The following NELL1 variants were observed in gnomAD, a reference collection of about 807,000 sequenced individuals.
NELL1 encodes neural EGFL like 1, also known as protein kinase C-binding protein NELL1.
Under a neutral mutation model 107.4 loss-of-function variants are expected in NELL1, and 76 were observed. The observed-to-expected ratio is 0.71, with a 90% CI of 0.59 to 0.86. NELL1 has a LOEUF of 0.86. Among genes scored for constraint, NELL1 ranks in the 40% least tolerant of loss-of-function variants. NELL1 has a pLI of 0.00. For synonymous variants in NELL1, 353 were observed against 341.2 expected (o/e 1.03, Z -0.38); for missense variants, 1,024 against 1,005.5 (o/e 1.02, Z -0.25).
intron 13 of NELL1, among the ~76,000 whole-genome samples, chr11:21,191,680 C>A (rs1195997179): frequency 6.6e-6 from 1 of 151,874 alleles, no homozygotes; most frequent in African/African-American, 2.4e-5. Flanking sequence ...TTTAAGATAT[C>A]CATTTTTGTG....
intron 10 of NELL1, among the ~76,000 whole-genome samples, chr11:20,938,682 C>A (rs115620033): frequency 6.6e-6 from 1 of 151,894 alleles, no homozygotes; most frequent in Non-Finnish European, 1.5e-5. Flanking sequence ...GGAGAAGGCA[C>A]GTTCCAAACA....
chr11:20,775,422 A>T (rs1292665450), intron 2 of NELL1, among the ~76,000 whole-genome samples: 1 of 152,306 alleles, frequency 6.6e-6, no homozygotes, highest in South Asian at 2.1e-4. Flanking sequence ...ATTCTCTACC[A>T]TTGGATAGCT....
chr11:21,022,280 G>A (rs1304857227), intron 12 of NELL1, among the ~76,000 whole-genome samples: 1 of 152,058 alleles, frequency 6.6e-6, no homozygotes, highest in African/African-American at 2.4e-5. Context: ...GGCAACTCCT[G>A]TTTCACACCT....
At chr11:21,559,780 G>A (rs1856806467) in intron 16 of NELL1, among the ~76,000 whole-genome samples, 1 of 152,000 alleles carries the variant, frequency 6.6e-6, no homozygotes, top group Non-Finnish European at 1.5e-5. Context: ...GGTGGTGTGT[G>A]CATACTGTTA....
At chr11:21,087,041 G>T (rs181187822) in intron 12 of NELL1, among the ~76,000 whole-genome samples, 1 of 151,972 alleles carries the variant, frequency 6.6e-6, no homozygotes, top group South Asian at 2.1e-4. Flanking sequence ...GGGTTTCACC[G>T]TGTTAGCCAG....
At chr11:21,430,631 G>A (rs1852942374) in intron 15 of NELL1, among the ~76,000 whole-genome samples, 1 of 152,140 alleles carries the variant, frequency 6.6e-6, no homozygotes. Context: ...GGCCTTCTGA[G>A]ATGTAGTGCA....
intron 13 of NELL1, among the ~76,000 whole-genome samples, chr11:21,203,381 T>A (rs1026688703): frequency 4.0e-5 from 6 of 151,556 alleles, no homozygotes; most frequent in Non-Finnish European, 5.9e-5. Context: ...TGTAATGCCC[T>A]TCTGTGTCTC....
chr11:21,313,862 G>T (rs1409819101), intron 14 of NELL1, among the ~76,000 whole-genome samples: 1 of 152,058 alleles, frequency 6.6e-6, no homozygotes, highest in Non-Finnish European at 1.5e-5. Context: ...GGAGGGGCCT[G>T]GTGAGAGGTG....
chr11:20,925,385 A>T (rs1218640636), intron 7 of NELL1, among the ~76,000 whole-genome samples: 1 of 149,916 alleles, frequency 6.7e-6, no homozygotes, highest in South Asian at 2.1e-4. Context: ...GGTTCAAGAG[A>T]TTCTCATGTC....
At chr11:21,333,427 G>A in intron 14 of NELL1, among the ~76,000 whole-genome samples, 1 of 152,072 alleles carries the variant, frequency 6.6e-6, no homozygotes, top group Non-Finnish European at 1.5e-5. Flanking sequence ...GAAATAGAAA[G>A]ATTAAAAGAT....
chr11:20,865,383 C>T (rs899456965), intron 4 of NELL1, among the ~76,000 whole-genome samples: 3 of 152,154 alleles, frequency 2.0e-5, no homozygotes, highest in African/African-American at 7.2e-5. Flanking sequence ...TCAGGTATCA[C>T]CTGCAATAAT....
intron 4 of NELL1, among the ~76,000 whole-genome samples, chr11:20,862,695 G>C (rs1048718644): frequency 4.1e-5 from 6 of 147,536 alleles, no homozygotes; most frequent in African/African-American, 1.5e-4. Flanking sequence ...TGGAGGGAAG[G>C]TCAGCAGATA....
chr11:21,098,581 G>A (rs565227327), intron 12 of NELL1, among the ~76,000 whole-genome samples: 1 of 152,206 alleles, frequency 6.6e-6, no homozygotes, highest in South Asian at 2.1e-4. Context: ...AGTAGTATTT[G>A]GAAAGACCAG....
chr11:20,992,626 A>C (rs1358209653), intron 12 of NELL1, among the ~76,000 whole-genome samples: 3 of 151,534 alleles, frequency 2.0e-5, no homozygotes, highest in Non-Finnish European at 4.4e-5. Flanking sequence ...TACTGCCTGG[A>C]GCATAAACTT....
chr11:21,031,773 GC>G (rs1303800914), intron 12 of NELL1, among the ~76,000 whole-genome samples: 1 of 152,034 alleles, frequency 6.6e-6, no homozygotes, highest in Non-Finnish European at 1.5e-5. Flanking sequence ...ATTGGGCCGG[GC>G]ATGGTGGCTC....
chr11:20,714,154 T>TG (rs962706076), intron 2 of NELL1, among the ~76,000 whole-genome samples: 2 of 149,738 alleles, frequency 1.3e-5, no homozygotes, highest in Admixed American at 6.7e-5. Flanking sequence ...TCATTCGAAG[T>TG]GGGAGCTACC....
chr11:21,044,991 G>A (rs1318676081), intron 12 of NELL1, among the ~76,000 whole-genome samples: 1 of 152,114 alleles, frequency 6.6e-6, no homozygotes, highest in Non-Finnish European at 1.5e-5. Flanking sequence ...AGAAAGTTGA[G>A]TTCAAAAAAG....
At chr11:21,483,065 C>G (rs1345476223) in intron 15 of NELL1, among the ~76,000 whole-genome samples, 1 of 151,794 alleles carries the variant, frequency 6.6e-6, no homozygotes, top group African/African-American at 2.4e-5. Flanking sequence ...CATTAGGCCT[C>G]TATAATCTTA....
chr11:20,720,410 T>C (rs1855353249), intron 2 of NELL1, among the ~76,000 whole-genome samples: 1 of 152,108 alleles, frequency 6.6e-6, no homozygotes, highest in African/African-American at 2.4e-5. Flanking sequence ...GGTTTCACCA[T>C]GCTGGCCAGG....
Sources: gnomAD v4.1 joint callset for allele counts (sites outside exome capture counted in the v4.1 genomes callset) on GRCh38, gnomAD v4.1.1 for gene constraint, MANE v1.5 for transcripts, NCBI Gene and HGNC (gene_info 2026-07-23, HGNC 2026-07-21) for gene names.